Variants in KLHL24 observed in about 807,000 individuals in gnomAD.
KLHL24 encodes kelch-like protein 24.
A neutral mutation model predicts 53.4 loss-of-function variants in KLHL24; 29 were observed. That is an observed-to-expected ratio of 0.54 (90% CI 0.40 to 0.74). The LOEUF (loss-of-function observed/expected upper bound fraction) is 0.74. KLHL24 is among the 30% of genes least tolerant of loss of function. KLHL24 has a pLI of 0.00. For missense variants in KLHL24, 504 were observed against 744.0 expected (o/e 0.68, Z 3.75); for synonymous variants, 222 against 253.7 (o/e 0.88, Z 1.19).
Position 183,683,780 on chromosome 3 carries a change from C to T in KLHL24, c.*4494C>T, listed in dbSNP as rs1437185230. ...AATTTGTTTATGTGCCTTAAGTTCT[C>T]TAGTGCTATTTCAACTTTTTTTTCA... On this transcript the variant is annotated 3_prime_UTR_variant, in exon 8 of 8. Transcript: ENST00000242810. 1.3e-5 allele frequency: 2 copies of T among 152,540 alleles called. No individual in the cohort carries two copies. The highest frequency in any genetic ancestry group is 4.8e-5 in the African/African-American group (2 of 41,432). The allele number at this position is 152,540 out of a possible 1,614,324, so 9.4% of individuals were successfully genotyped here.
chr3:183,640,843 G>T (rs1037974324), intron 1 of KLHL24, among the ~76,000 whole-genome samples: 5 of 151,856 alleles, frequency 3.3e-5, no homozygotes. Flanking sequence ...CTCGTGATCC[G>T]CCTGCCTCAG....
chr3:183,665,697 C>T (rs1720443338), intron 5 of KLHL24, among the ~76,000 whole-genome samples: 1 of 151,984 alleles, frequency 6.6e-6, no homozygotes, highest in African/African-American at 2.4e-5. Flanking sequence ...TTGCAGTGAG[C>T]CAAGATCGCA....
rs9816502 is a variant in KLHL24 at position 183,661,122 on chromosome 3, G to T, written c.921-2336G>T. On this transcript the variant is annotated intron_variant, in intron 3 of 7. Transcript: ENST00000242810. ...TGTGGTGGCATGTGCCTGTAGTCCC[G>T]ACTACCTGGGAGGCTGAGGTGAGAG... Among the ~76,000 whole-genome samples, 74 of 122,452 alleles carry T rather than the reference G, an allele frequency of 6.0e-4. 5 individuals are homozygous for T. Among genetic ancestry groups the T allele is most frequent in the Non-Finnish European group, 1.8e-4 (11 of 60,558 alleles). 80.3% of individuals were successfully genotyped at this position (122,452 alleles called of 152,430 possible).
chr3:183,638,253 G>T lies in KLHL24; in HGVS notation c.-125+2460G>T, dbSNP rs146033668. ...AACCTAAGTCTCTAAACAGGAAGAAGAAATAAATTCTGCGTTAAGGCTGAC... is the reference window on the plus strand; with the variant it reads ...AACCTAAGTCTCTAAACAGGAAGAATAAATAAATTCTGCGTTAAGGCTGAC... On this transcript the variant is annotated intron_variant, in intron 1 of 7. Transcript: ENST00000242810. Among the ~76,000 whole-genome samples the T allele has an allele frequency of 2.8e-3, 432 of 152,334 alleles. 2 individuals carry two copies. The highest frequency in any genetic ancestry group is 9.6e-3 in the African/African-American group (399 of 41,582).
rs775528766 is a variant in KLHL24 at position 183,679,555 on chromosome 3, A to G, written c.*269A>G. On this transcript the variant is annotated 3_prime_UTR_variant, in exon 8 of 8. Transcript: ENST00000242810. ...CTTTGTAAGTATTTGTAAGAAGTCT[A>G]TGTGAATTAGGAAATGTCTGTCTGC... The G allele has an allele frequency of 2.0e-4, 74 of 377,036 alleles. No individual in the cohort carries two copies. Among genetic ancestry groups the G allele is most frequent in the Non-Finnish European group, 2.9e-4 (61 of 207,884 alleles). The allele number at this position is 377,036 out of a possible 1,614,324, so 23.4% of individuals were successfully genotyped here.
rs572969229 is a variant in KLHL24, at chr3:183,650,280, C to G, written c.-61-16C>G. The G allele has an allele frequency of 6.8e-6, 8 of 1,173,406 alleles. No individual in the cohort carries two copies. Among genetic ancestry groups the G allele is most frequent in the African/African-American group, 1.6e-5 (1 of 64,110 alleles). 72.7% of individuals were successfully genotyped at this position (1,173,406 alleles called of 1,614,324 possible). The stretch of plus-strand genomic sequence containing the variant: ...ATTTTTTGCATATTGAAATGTTTTC[C>G]TTTTTTTACTTTTAGCCACATAAAG... On this transcript the variant is annotated splice_polypyrimidine_tract_variant and intron_variant, in intron 2 of 7. Transcript: ENST00000242810. The surrounding 1 kb of genome is among the most constrained non-coding windows in gnomAD (Gnocchi z 4.5).
chr3:183,637,606 C>A (rs1715534596), intron 1 of KLHL24, among the ~76,000 whole-genome samples: 1 of 152,146 alleles, frequency 6.6e-6, no homozygotes, highest in South Asian at 2.1e-4. Flanking sequence ...GTCAGATTTT[C>A]TTCTGCAGAT....
At position 183,679,441 on chromosome 3, in the gene KLHL24, A is replaced by G; in HGVS notation, c.*155A>G. 1.6e-6 allele frequency: 1 copy of G among 615,938 alleles called. No homozygotes were observed. The highest frequency in any genetic ancestry group is 2.8e-6 in the Non-Finnish European group (1 of 357,572). The allele number at this position is 615,938 out of a possible 1,614,324, so 38.2% of individuals were successfully genotyped here. On this transcript the variant is annotated 3_prime_UTR_variant, in exon 8 of 8. Coordinates refer to ENST00000242810, the MANE Select transcript of KLHL24 (RefSeq NM_017644.3). ...TTCTCCTCAAAATATCAATCTTTCA[A>G]ACTATAATAAAGCCTTTCCTATAAT...
chr3:183,653,496 C>G (rs181730758), intron 3 of KLHL24, among the ~76,000 whole-genome samples: 28 of 152,070 alleles, frequency 1.8e-4, no homozygotes, highest in Middle Eastern at 3.4e-3. Context: ...TAGCCAGTGG[C>G]GCAAAATTTG....
chr3:183,684,144 C>T lies in KLHL24; in HGVS notation c.*4858C>T, dbSNP rs1211302558. 8.7e-6 allele frequency: 1 copy of T among 115,428 alleles called. No homozygotes were observed. The highest frequency in any genetic ancestry group is 5.5e-5 in the African/African-American group (1 of 18,118). The allele number at this position is 115,428 out of a possible 1,614,324, so 7.2% of individuals were successfully genotyped here. On this transcript the variant is annotated 3_prime_UTR_variant, in exon 8 of 8. Coordinates refer to ENST00000242810, the MANE Select transcript of KLHL24 (RefSeq NM_017644.3). ...TCCCTCTTCAGGCTTTTTCATTTAC[C>T]TTTTTGAAAAAGCACTTACTCTCCC...
chr3:183,641,491 A>C (rs1018313999), intron 1 of KLHL24, among the ~76,000 whole-genome samples: 1 of 151,916 alleles, frequency 6.6e-6, no homozygotes, highest in Non-Finnish European at 1.5e-5. Flanking sequence ...AAAAAAAAAA[A>C]AAAGATTTAC....
In KLHL24 at chr3:183,665,000, A is replaced by T. The variant is rs1235536410; in HGVS notation, c.1185A>T (p.Lys395Asn). The part of the protein sequence containing the change: ...NIWIRVASLN[K>N]GRWRHKMAVL... ...GGATCAGAGTTGCCTCTCTCAATAA[A>T]GGCAGATGGCGTCACAAAATGGCTG... The change falls in exon 5 of 8, where the codon AAA (lysine) becomes AAT (asparagine). Residue 395 changes from lysine to asparagine, a missense_variant. By Grantham distance (94) the Lys-to-Asn change is moderately conservative. Transcript: ENST00000242810. 6 of 1,611,532 alleles carry T rather than the reference A, an allele frequency of 3.7e-6. No individual in the cohort carries two copies.
intron 7 of KLHL24, chr3:183,672,855 G>A (rs552979575): frequency 6.4e-4 from 98 of 153,512 alleles, no homozygotes; most frequent in Non-Finnish European, 1.0e-3. Flanking sequence ...TTAGCTGGGC[G>A]TGGTGGCGCA....
chr3:183,660,749 T>C (rs1719617837), intron 3 of KLHL24, among the ~76,000 whole-genome samples: 1 of 152,064 alleles, frequency 6.6e-6, no homozygotes, highest in African/African-American at 2.4e-5. Flanking sequence ...AAATTGATAC[T>C]GTGTCCTCAC....
In KLHL24 at chr3:183,650,481, T is replaced by C; in HGVS notation, c.125T>C (p.Phe42Ser). 1 of 1,614,166 alleles carries C rather than the reference T, an allele frequency of 6.2e-7. No homozygotes were observed. The highest frequency in any genetic ancestry group is 8.5e-7 in the Non-Finnish European group (1 of 1,180,022). The change falls in exon 3 of 8, where the codon TTC becomes TCC. Residue 42 changes from phenylalanine to serine, a missense_variant. Transcript: ENST00000242810. The surrounding 1 kb of genome is among the most constrained non-coding windows in gnomAD (Gnocchi z 4.5). ...CTGACAGGTCATGAGTTTTTTGACTTCTCTTCAGGATCATCCCATGCCGAA... is the reference window on the plus strand; with the variant it reads ...CTGACAGGTCATGAGTTTTTTGACTCCTCTTCAGGATCATCCCATGCCGAA... ...KSLTGHEFFD[F>S]SSGSSHAENI... is the part of the protein sequence containing the mutation.
intron 2 of KLHL24, among the ~76,000 whole-genome samples, chr3:183,647,124 TA>T (rs376372259): frequency 0.31 from 43,560 of 138,412 alleles, 6,771 homozygotes; most frequent in African/African-American, 0.41. Flanking sequence ...TTGCAACTCT[TA>T]AAAAAAAAAA....
chr3:183,637,929 G>A (rs1400964899), intron 1 of KLHL24, among the ~76,000 whole-genome samples: 1 of 152,224 alleles, frequency 6.6e-6, no homozygotes, highest in Non-Finnish European at 1.5e-5. Context: ...AAAGTGCTGG[G>A]ATTGCAGGCG....
intron 7 of KLHL24, chr3:183,672,963 C>G (rs1042447785): frequency 6.6e-6 from 1 of 152,086 alleles, no homozygotes; most frequent in Non-Finnish European, 1.5e-5. Flanking sequence ...CCATTGCACT[C>G]CAGCCTGGAC....
At chr3:183,636,043 G>A (rs1310251015) in intron 1 of KLHL24, among the ~76,000 whole-genome samples, 1 of 151,628 alleles carries the variant, frequency 6.6e-6, no homozygotes, top group Non-Finnish European at 1.5e-5. Flanking sequence ...CTACGGCCCG[G>A]AACCGCGGCG....
Sources: gnomAD v4.1 joint callset for allele counts (sites outside exome capture counted in the v4.1 genomes callset) on GRCh38, gnomAD v4.1.1 for gene constraint, Gnocchi (gnomAD v3.1) non-coding constraint, MANE v1.5 for transcripts, NCBI Gene and HGNC (gene_info 2026-07-23, HGNC 2026-07-21) for gene names.